Variants in NTN1 observed in about 807,000 individuals in gnomAD.
NTN1 encodes the protein netrin-1.
Under a neutral mutation model 54.2 loss-of-function variants are expected in NTN1, and 11 were observed. That is an observed-to-expected ratio of 0.20 (90% CI 0.13 to 0.34). The LOEUF (loss-of-function observed/expected upper bound fraction) is 0.34, where lower values mean the gene tolerates loss of function less well. Among genes scored for constraint, NTN1 ranks in the 10% least tolerant of loss-of-function variants. The pLI is 1.00. For missense variants in NTN1, 740 were observed against 893.1 expected, an observed-to-expected ratio of 0.83 and a Z score of 2.18; for synonymous variants, 371 against 382.0, an observed-to-expected ratio of 0.97 and a Z score of 0.33.
At chr17:9,154,892 C>T (rs1041231426) in intron 2 of NTN1, among the ~76,000 whole-genome samples, 1 of 152,202 alleles carries the variant, frequency 6.6e-6, no homozygotes, top group Non-Finnish European at 1.5e-5. Context: ...CCTCCCTTTA[C>T]CTCCTTGCAA....
intron 2 of NTN1, among the ~76,000 whole-genome samples, chr17:9,144,309 G>C (rs2092307024): frequency 6.6e-6 from 1 of 152,038 alleles, no homozygotes; most frequent in Non-Finnish European, 1.5e-5. Context: ...TGGACCTGCT[G>C]TCAGGAGTGA....
At chr17:9,047,239 A>G (rs2091944087) in intron 2 of NTN1, among the ~76,000 whole-genome samples, 1 of 152,210 alleles carries the variant, frequency 6.6e-6, no homozygotes, top group Non-Finnish European at 1.5e-5. Context: ...GCAGTTTGCC[A>G]CATCAACTCA....
chr17:9,213,177 C>CA (rs1905148731), intron 5 of NTN1, among the ~76,000 whole-genome samples: 2 of 152,198 alleles, frequency 1.3e-5, no homozygotes. Flanking sequence ...CAGGATGGGC[C>CA]TGCTGCGAGC....
intron 2 of NTN1, among the ~76,000 whole-genome samples, chr17:9,067,836 C>T (rs1317915078): frequency 8.5e-5 from 13 of 152,172 alleles, no homozygotes; most frequent in Non-Finnish European, 1.5e-4. Context: ...GTCCATCCCT[C>T]GGCAGCCAGG....
At chr17:9,075,040 G>C (rs1567704110) in intron 2 of NTN1, among the ~76,000 whole-genome samples, 1 of 152,196 alleles carries the variant, frequency 6.6e-6, no homozygotes, top group Non-Finnish European at 1.5e-5. Context: ...GGGCCTAGTT[G>C]GTTTGTTTAC....
intron 2 of NTN1, among the ~76,000 whole-genome samples, chr17:9,105,756 C>T (rs1273746007): frequency 6.6e-6 from 1 of 151,952 alleles, no homozygotes; most frequent in Non-Finnish European, 1.5e-5. Flanking sequence ...GCCAATTTGT[C>T]ACTGGTTCTT....
chr17:9,206,773 C>T (rs953951195), intron 5 of NTN1, among the ~76,000 whole-genome samples: 14 of 152,236 alleles, frequency 9.2e-5, no homozygotes, highest in Non-Finnish European at 1.6e-4. Flanking sequence ...GATTTAGGAT[C>T]TGTGTTATTA....
At chr17:9,236,346 G>A (rs1176068641) in intron 6 of NTN1, among the ~76,000 whole-genome samples, 2 of 152,244 alleles carry the variant, frequency 1.3e-5, no homozygotes, top group East Asian at 3.9e-4. Flanking sequence ...GGAGGTGACA[G>A]CAGCCTGGTG....
At chr17:9,066,622 C>T (rs1339370518) in intron 2 of NTN1, among the ~76,000 whole-genome samples, 6 of 147,382 alleles carry the variant, frequency 4.1e-5, no homozygotes, top group South Asian at 4.3e-4. Context: ...AGTGAGTCTC[C>T]GTCTCAAAGA....
chr17:9,239,880 G>A lies in NTN1; in HGVS notation c.1727G>A (p.Ser576Asn). 1 of 1,611,578 alleles carries A rather than the reference G, an allele frequency of 6.2e-7. No individual in the cohort carries two copies. Among genetic ancestry groups the A allele is most frequent in the Non-Finnish European group, 8.5e-7 (1 of 1,179,388 alleles). Residue 576 changes from serine to asparagine, a missense_variant, in exon 7 of 7, where the codon AGC becomes AAC. Coordinates refer to ENST00000173229, the MANE Select transcript of NTN1 (RefSeq NM_004822.3). The surrounding 1 kb of genome is among the most constrained non-coding windows in gnomAD (Gnocchi z 5.2). ...AGCGGCATCGTGGCCGATAAAAGCA[G>A]CCTGGTGATCCAGTGGCGGGACACG... is the stretch of plus-strand genomic sequence containing the variant. Reference protein sequence around the residue: ...DQSGIVADKSSLVIQWRDTWA... With the variant: ...DQSGIVADKSNLVIQWRDTWA...
chr17:9,133,847 GCCTTGGCCTC>G (rs963771534), intron 2 of NTN1, among the ~76,000 whole-genome samples: 1 of 136,964 alleles, frequency 7.3e-6, no homozygotes, highest in Non-Finnish European at 1.5e-5. Flanking sequence ...TGATTTGCCT[GCCTTGGCCTC>G]CCAAAGTGCT....
chr17:9,142,104 G>A (rs919042805), intron 2 of NTN1, among the ~76,000 whole-genome samples: 10 of 151,400 alleles, frequency 6.6e-5, no homozygotes, highest in African/African-American at 1.9e-4. Context: ...TCCAGGCTGG[G>A]CGACAGAGCG....
rs182165253 is a variant in NTN1, at chr17:9,153,543, G to A, written c.1019-9270G>A. Among the ~76,000 whole-genome samples, 353 of 152,346 alleles carry A rather than the reference G, an allele frequency of 2.3e-3. 2 individuals are homozygous for A. The highest frequency in any genetic ancestry group is 0.012 in the South Asian group (58 of 4,826). The stretch of plus-strand genomic sequence containing the variant: ...GCACCCAAGCTGGAGCATCATCACA[G>A]GTTGGGGCTTTGAGAGGGGTTTGTT... On this transcript the variant is annotated intron_variant, in intron 2 of 6. Coordinates refer to ENST00000173229, the MANE Select transcript of NTN1 (RefSeq NM_004822.3).
intron 2 of NTN1, among the ~76,000 whole-genome samples, chr17:9,121,479 C>T (rs2092231609): frequency 6.6e-6 from 1 of 152,162 alleles, no homozygotes; most frequent in Non-Finnish European, 1.5e-5. Flanking sequence ...CCCGGTGCTC[C>T]TTTTCTCTCT....
Position 9,162,979 on chromosome 17 carries a change from C to T in NTN1, c.1185C>T (p.Ile395=), listed in dbSNP as rs776994544. 19 of 1,611,932 alleles carry T rather than the reference C, an allele frequency of 1.2e-5. No homozygotes were observed. The Admixed American group carries it at 2.8e-4, about 24-fold the overall frequency. Residue 395 remains isoleucine, a synonymous_variant, in exon 3 of 7, where the codon ATC becomes ATT. Transcript: ENST00000173229. ...ACTACCGCGACATGGGCAAGCCCATCACCCACCGGAAGGCCTGCAAAGGTG... is the reference window on the plus strand; with the variant it reads ...ACTACCGCGACATGGGCAAGCCCATTACCCACCGGAAGGCCTGCAAAGGTG... The part of the protein sequence containing the change: ...EGYYRDMGKP[I]THRKACKACD...
intron 2 of NTN1, among the ~76,000 whole-genome samples, chr17:9,148,513 A>C (rs924145529): frequency 4.6e-5 from 7 of 152,188 alleles, no homozygotes; most frequent in African/African-American, 1.4e-4. Flanking sequence ...TGTGTCCTGG[A>C]GGTAGCACTG....
chr17:9,004,360 C>G, the NTN1 span, among the ~76,000 whole-genome samples: 2 of 152,274 alleles, frequency 1.3e-5, no homozygotes, highest in Admixed American at 1.3e-4. Context: ...CTATCAGCCC[C>G]GTCGCCCTCG....
intron 5 of NTN1, among the ~76,000 whole-genome samples, chr17:9,195,188 C>T (rs1012533383): frequency 1.1e-5 from 1 of 94,662 alleles, no homozygotes; most frequent in Non-Finnish European, 2.2e-5. Flanking sequence ...GCCAGGCGAG[C>T]TCTACCACCC....
chr17:9,142,437 C>T (rs902575873), intron 2 of NTN1, among the ~76,000 whole-genome samples: 1 of 152,042 alleles, frequency 6.6e-6, no homozygotes, highest in Non-Finnish European at 1.5e-5. Flanking sequence ...CATGCCTTCA[C>T]CAGGAGGCTC....
Sources: gnomAD v4.1 joint callset for allele counts (sites outside exome capture counted in the v4.1 genomes callset) on GRCh38, gnomAD v4.1.1 for gene constraint, Gnocchi (gnomAD v3.1) non-coding constraint, MANE v1.5 for transcripts, NCBI Gene and HGNC (gene_info 2026-07-23, HGNC 2026-07-21) for gene names.